COL5A2: variants seen among roughly 807,000 people sequenced by gnomAD.
The protein encoded by COL5A2 is collagen alpha-2(V) chain.
In COL5A2, 23 loss-of-function variants were observed where a neutral mutation model predicts 208.2. The observed-to-expected ratio is 0.11, with a 90% CI of 0.08 to 0.16. COL5A2 has a LOEUF of 0.16. Ranked by LOEUF, COL5A2 falls within the 10% of genes least tolerant of loss-of-function variation. COL5A2 has a pLI of 1.00. For synonymous variants in COL5A2, 625 were observed against 628.5 expected (o/e 0.99, Z 0.08); for missense variants, 1,590 against 1,956.4 (o/e 0.81, Z 3.53).
At chr2:189,045,760 G>A in intron 46 of COL5A2, 40 bp downstream of exon 46, 1 of 1,478,446 alleles carries the variant, frequency 6.8e-7, no homozygotes, top group Non-Finnish European at 9.5e-7. Context: ...TAGCATATGG[G>A]TGTGCAAAAC....
chr2:189,247,478 T>C, the COL5A2 span, among the ~76,000 whole-genome samples: 2 of 152,096 alleles, frequency 1.3e-5, no homozygotes, highest in Non-Finnish European at 2.9e-5. Flanking sequence ...ATGACCACAT[T>C]TATTTTCCCC....
chr2:189,268,122 C>T, the COL5A2 span, among the ~76,000 whole-genome samples: 2 of 151,956 alleles, frequency 1.3e-5, no homozygotes, highest in South Asian at 2.1e-4. Context: ...TTATTTGTTC[C>T]CATACTCTTT....
In COL5A2 at chr2:189,209,074, C is replaced by T. The variant is rs957621569; in HGVS notation, c.-42+16074G>A. Among the ~76,000 whole-genome samples, 11 of 152,162 alleles carry T rather than the reference C, an allele frequency of 7.2e-5. No individual in the cohort carries two copies. In the East Asian group the frequency reaches 1.9e-3, roughly 27 times the overall value. On this transcript the variant is annotated intron_variant, in intron 1 of 10. Transcript: ENST00000649966. ...TCATGGGGGTCTTTATTTTAATCTT[C>T]TACTTTCTGAAAACTTCAGCCTTCT...
the COL5A2 span, among the ~76,000 whole-genome samples, chr2:189,252,775 T>G: frequency 1.3e-5 from 2 of 151,880 alleles, no homozygotes; most frequent in African/African-American, 4.8e-5. Context: ...AAATAAAATT[T>G]TAAAATATTA....
intron 1 of COL5A2, among the ~76,000 whole-genome samples, chr2:189,157,723 A>G (rs1255337218): frequency 2.0e-5 from 3 of 152,062 alleles, no homozygotes; most frequent in African/African-American, 7.2e-5. Flanking sequence ...CTTGTTTGAA[A>G]TAAAACTTAA....
intron 1 of COL5A2, among the ~76,000 whole-genome samples, chr2:189,117,778 C>T (rs1038711204): frequency 6.6e-6 from 1 of 151,574 alleles, no homozygotes; most frequent in Non-Finnish European, 1.5e-5. Flanking sequence ...TTCAAGCCTA[C>T]TATATATTGA....
chr2:189,310,726 A>G, the COL5A2 span, among the ~76,000 whole-genome samples: 1 of 67,344 alleles, frequency 1.5e-5, no homozygotes, highest in East Asian at 4.2e-4. Flanking sequence ...TACACAATGG[A>G]GTACTATCAA....
chr2:189,310,316 G>T, the COL5A2 span, among the ~76,000 whole-genome samples: 1 of 152,100 alleles, frequency 6.6e-6, no homozygotes, highest in African/African-American at 2.4e-5. Flanking sequence ...CATATGAAAA[G>T]GTGCTCAACA....
chr2:189,391,547 C>CCTTTGCACATTG, the COL5A2 span, among the ~76,000 whole-genome samples: 1 of 152,178 alleles, frequency 6.6e-6, no homozygotes, highest in South Asian at 2.1e-4. Flanking sequence ...AGTGTAATTA[C>CCTTTGCACATTG]TCTGGATTGT....
At chr2:189,414,360 C>T in the COL5A2 span, among the ~76,000 whole-genome samples, 1 of 152,088 alleles carries the variant, frequency 6.6e-6, no homozygotes, top group African/African-American at 2.4e-5. Context: ...CTCATTATTA[C>T]AAAAACAGCT....
chr2:189,280,658 A>G, the COL5A2 span, among the ~76,000 whole-genome samples: 8 of 152,292 alleles, frequency 5.3e-5, no homozygotes, highest in African/African-American at 1.7e-4. Flanking sequence ...TGTATTTTCC[A>G]GGACAAGGTA....
chr2:189,268,592 A>G, the COL5A2 span, among the ~76,000 whole-genome samples: 1 of 152,130 alleles, frequency 6.6e-6, no homozygotes, highest in African/African-American at 2.4e-5. Flanking sequence ...AAGTTTCTTA[A>G]CTGTTAAGTA....
At chr2:189,279,362 T>C in the COL5A2 span, among the ~76,000 whole-genome samples, 16 of 151,940 alleles carry the variant, frequency 1.1e-4, no homozygotes, top group Non-Finnish European at 2.2e-4. Flanking sequence ...AAATGACAGA[T>C]ATTTAAATGA....
chr2:189,092,829 A>G (rs2105669447), intron 6 of COL5A2, among the ~76,000 whole-genome samples: 1 of 152,314 alleles, frequency 6.6e-6, no homozygotes, highest in African/African-American at 2.4e-5. Context: ...ACAGTTAACT[A>G]TGTATACGTC....
At chr2:189,314,930 C>T in the COL5A2 span, among the ~76,000 whole-genome samples, 1 of 152,114 alleles carries the variant, frequency 6.6e-6, no homozygotes, top group African/African-American at 2.4e-5. Context: ...GAAATTGAGG[C>T]AGTAATAAAT....
At chr2:189,040,866 T>C (rs936426180) in intron 50 of COL5A2, among the ~76,000 whole-genome samples, 1 of 152,156 alleles carries the variant, frequency 6.6e-6, no homozygotes, top group Non-Finnish European at 1.5e-5. Flanking sequence ...AAAACATATC[T>C]CTTGTCCATA....
upstream of COL5A2, among the ~76,000 whole-genome samples, chr2:189,227,365 T>C (rs1366378696): frequency 6.6e-6 from 1 of 152,010 alleles, no homozygotes; most frequent in East Asian, 1.9e-4. Context: ...AGCAATAAGT[T>C]CTCCTCTATC....
the COL5A2 span, among the ~76,000 whole-genome samples, chr2:189,241,552 G>A: frequency 6.6e-6 from 1 of 152,180 alleles, no homozygotes; most frequent in East Asian, 1.9e-4. Context: ...AAATTAGAAG[G>A]GCATGCACCT....
Position 189,078,578 on chromosome 2 carries a change from G to A in COL5A2, c.1006-9C>T, listed in dbSNP as rs73978832. ...GGCATTCCCCTCGGACCCTATAGAC[G>A]ATAGAGAAGAAATGTCTCTTGAAGC... On this transcript the variant is annotated splice_polypyrimidine_tract_variant and intron_variant, in intron 15 of 53. Coordinates refer to ENST00000374866, the MANE Select transcript of COL5A2 (RefSeq NM_000393.5). 32,380 of 1,608,904 alleles carry A rather than the reference G, an allele frequency of 0.02. 415 individuals are homozygous for A. The highest frequency in any genetic ancestry group is 0.022 in the Non-Finnish European group (25,975 of 1,175,430).
Sources: gnomAD v4.1 joint callset for allele counts (sites outside exome capture counted in the v4.1 genomes callset) on GRCh38, gnomAD v4.1.1 for gene constraint, MANE v1.5 for transcripts, NCBI Gene and HGNC (gene_info 2026-07-23, HGNC 2026-07-21) for gene names.